FSTL4: variants seen among roughly 807,000 people sequenced by gnomAD.
The protein encoded by FSTL4 is follistatin like 4.
In FSTL4, 28 loss-of-function variants were observed where a neutral mutation model predicts 78.2. The ratio of observed to expected loss-of-function variants is 0.36; its 90% CI spans 0.27 to 0.49. The LOEUF (loss-of-function observed/expected upper bound fraction) is 0.49. Ranked by LOEUF, FSTL4 falls within the 20% of genes least tolerant of loss-of-function variation. The pLI is 0.98. For synonymous variants in FSTL4, 422 were observed against 440.5 expected, an observed-to-expected ratio of 0.96 and a Z score of 0.53; for missense variants, 922 against 1,084.9, an observed-to-expected ratio of 0.85 and a Z score of 2.11.
the FSTL4 span, among the ~76,000 whole-genome samples, chr5:133,631,519 G>A: frequency 6.6e-6 from 1 of 152,184 alleles, no homozygotes; most frequent in African/African-American, 2.4e-5. Flanking sequence ...AGAGGATGTG[G>A]AGAAATAGGA....
At chr5:133,715,904 C>T in the FSTL4 span, among the ~76,000 whole-genome samples, 1 of 152,202 alleles carries the variant, frequency 6.6e-6, no homozygotes, top group Non-Finnish European at 1.5e-5. Flanking sequence ...GCTTGTTCAA[C>T]CAATGCTTAT....
chr5:133,730,699 C>G, the FSTL4 span, among the ~76,000 whole-genome samples: 1 of 152,152 alleles, frequency 6.6e-6, no homozygotes, highest in Non-Finnish European at 1.5e-5. Context: ...AACCAGCCAT[C>G]GAGGAGAGGC....
intron 3 of FSTL4, among the ~76,000 whole-genome samples, chr5:133,431,245 G>T (rs1474781353): frequency 6.6e-6 from 1 of 152,192 alleles, no homozygotes; most frequent in Non-Finnish European, 1.5e-5. Context: ...ACCACCTGTG[G>T]TAGATTAAAG....
upstream of FSTL4, among the ~76,000 whole-genome samples, chr5:133,616,167 C>G (rs1428500442): frequency 6.6e-6 from 1 of 152,078 alleles, no homozygotes. Flanking sequence ...TGAGTATAGG[C>G]AAAAGGGATG....
chr5:133,282,568 G>C (rs1374894623), intron 6 of FSTL4, among the ~76,000 whole-genome samples: 1 of 152,230 alleles, frequency 6.6e-6, no homozygotes, highest in African/African-American at 2.4e-5. Context: ...TGAGCTGGAG[G>C]TGCAGCAGTG....
At chr5:133,489,533 T>C (rs1289411705) in intron 3 of FSTL4, among the ~76,000 whole-genome samples, 1 of 152,226 alleles carries the variant, frequency 6.6e-6, no homozygotes, top group African/African-American at 2.4e-5. Flanking sequence ...AGATATCGCC[T>C]GTAACATTCA....
At chr5:133,322,708 A>G (rs1426193925) in intron 4 of FSTL4, among the ~76,000 whole-genome samples, 1 of 152,152 alleles carries the variant, frequency 6.6e-6, no homozygotes, top group African/African-American at 2.4e-5. Flanking sequence ...GGAGGAATTC[A>G]CCACCTCCAG....
At chr5:133,258,327 G>A (rs1752432958) in intron 6 of FSTL4, among the ~76,000 whole-genome samples, 1 of 152,206 alleles carries the variant, frequency 6.6e-6, no homozygotes, top group Non-Finnish European at 1.5e-5. Context: ...GTTTCTGGAT[G>A]AGATTGACAT....
intron 4 of FSTL4, chr5:133,388,523 T>C (rs1755759789): frequency 6.6e-6 from 1 of 151,906 alleles, no homozygotes; most frequent in Non-Finnish European, 1.5e-5. Context: ...GGGGAGAAGC[T>C]GCCCCTGGGC....
chr5:133,761,347 G>A, the FSTL4 span, among the ~76,000 whole-genome samples: 1 of 151,634 alleles, frequency 6.6e-6, no homozygotes, highest in African/African-American at 2.4e-5. Flanking sequence ...ACAAATACAG[G>A]GTAGGCCAAT....
the FSTL4 span, among the ~76,000 whole-genome samples, chr5:133,767,611 G>A: frequency 1.3e-5 from 2 of 152,176 alleles, no homozygotes; most frequent in African/African-American, 4.8e-5. Context: ...GTACAAATGA[G>A]TCAAGGGACA....
intron 4 of FSTL4, among the ~76,000 whole-genome samples, chr5:133,341,225 ATTT>A (rs1242311488): frequency 8.0e-5 from 10 of 125,492 alleles, no homozygotes; most frequent in Admixed American, 1.6e-4. Context: ...TCCTGCTCAC[ATTT>A]TTTTTTTTTT....
the FSTL4 span, among the ~76,000 whole-genome samples, chr5:133,630,228 G>T: frequency 6.6e-6 from 1 of 152,272 alleles, no homozygotes; most frequent in African/African-American, 2.4e-5. Context: ...CAGATGACAT[G>T]ATTGTATATT....
intron 7 of FSTL4, among the ~76,000 whole-genome samples, chr5:133,239,207 G>A (rs1029967015): frequency 1.3e-5 from 2 of 152,150 alleles, no homozygotes; most frequent in Admixed American, 6.5e-5. Context: ...TCTGCAGCCC[G>A]CCATGCCTGA....
intron 3 of FSTL4, among the ~76,000 whole-genome samples, chr5:133,446,167 C>T (rs911331546): frequency 1.3e-5 from 2 of 152,188 alleles, no homozygotes; most frequent in Non-Finnish European, 2.9e-5. Flanking sequence ...GGGCCAGGCT[C>T]GGTGGCTCAC....
Position 133,501,935 on chromosome 5 carries a change from GA to G in FSTL4, c.160+65250del, listed in dbSNP as rs566354776. 1.7e-3 allele frequency among the ~76,000 whole-genome samples: 259 copies of G among 152,258 alleles called. 1 individual carries two copies. The highest frequency in any genetic ancestry group is 2.4e-3 in the Admixed American group (37 of 15,296). On this transcript the variant is annotated intron_variant, in intron 3 of 15. Coordinates refer to ENST00000265342, the MANE Select transcript of FSTL4 (RefSeq NM_015082.2). ...TTGGACACAGACACCACAGAGAGGA[GA>G]ACGCAGACACACAGGGAAGAGACCA...
intron 4 of FSTL4, among the ~76,000 whole-genome samples, chr5:133,360,426 A>T (rs1207741898): frequency 2.6e-5 from 4 of 152,108 alleles, no homozygotes; most frequent in African/African-American, 7.2e-5. Flanking sequence ...AAGTTAAAAA[A>T]CATAAACATC....
At chr5:133,745,509 G>C in the FSTL4 span, among the ~76,000 whole-genome samples, 1 of 152,186 alleles carries the variant, frequency 6.6e-6, no homozygotes, top group Admixed American at 6.5e-5. Context: ...TTTAGCCAGA[G>C]ACCCAAATAG....
At chr5:133,235,598 G>A (rs1751636379) in intron 7 of FSTL4, among the ~76,000 whole-genome samples, 1 of 152,052 alleles carries the variant, frequency 6.6e-6, no homozygotes, top group Non-Finnish European at 1.5e-5. Flanking sequence ...CAGGAAGGTA[G>A]ATGGTGAGCA....
Sources: gnomAD v4.1 joint callset for allele counts (sites outside exome capture counted in the v4.1 genomes callset) on GRCh38, gnomAD v4.1.1 for gene constraint, MANE v1.5 for transcripts, NCBI Gene and HGNC (gene_info 2026-07-23, HGNC 2026-07-21) for gene names.